The following RAPGEF1 variants were observed in gnomAD, a reference collection of about 807,000 sequenced individuals.
RAPGEF1 encodes Rap guanine nucleotide exchange factor 1.
In RAPGEF1, 33 loss-of-function variants were observed where a neutral mutation model predicts 143.3. The observed-to-expected ratio is 0.23, with a 90% CI of 0.17 to 0.31. RAPGEF1 has a LOEUF of 0.31. Ranked by LOEUF, RAPGEF1 falls within the 10% of genes least tolerant of loss-of-function variation. The pLI is 1.00. For synonymous variants in RAPGEF1, 629 were observed against 676.5 expected, an observed-to-expected ratio of 0.93 and a Z score of 1.09; for missense variants, 1,199 against 1,645.4, an observed-to-expected ratio of 0.73 and a Z score of 4.69.
intron 22 of RAPGEF1, among the ~76,000 whole-genome samples, chr9:131,585,420 A>T (rs1162882774): frequency 6.6e-6 from 1 of 151,552 alleles, no homozygotes; most frequent in Non-Finnish European, 1.5e-5. Flanking sequence ...CGCTCAAGTG[A>T]CCCTCCTGCC....
intron 1 of RAPGEF1, among the ~76,000 whole-genome samples, chr9:131,654,566 G>C (rs1971964347): frequency 6.6e-6 from 1 of 152,156 alleles, no homozygotes; most frequent in South Asian, 2.1e-4. Context: ...GCTGGGCATG[G>C]TGGTGCAGAC....
intron 1 of RAPGEF1, among the ~76,000 whole-genome samples, chr9:131,701,648 G>C (rs1834657786): frequency 6.6e-6 from 1 of 152,072 alleles, no homozygotes; most frequent in African/African-American, 2.4e-5. Context: ...TGAATATTCT[G>C]TAACATGTAA....
intron 15 of RAPGEF1, chr9:131,598,572 T>C (rs1237596190): frequency 5.1e-6 from 3 of 591,456 alleles, no homozygotes; most frequent in Non-Finnish European, 9.5e-6. Context: ...TCCATTAAGC[T>C]GTTTGAGTGA....
At chr9:131,710,831 G>A (rs1051044258) in intron 1 of RAPGEF1, among the ~76,000 whole-genome samples, 3 of 151,820 alleles carry the variant, frequency 2.0e-5, no homozygotes, top group Non-Finnish European at 4.4e-5. Flanking sequence ...GGAGGCTGCA[G>A]TAAGCCGAGA....
intron 25 of RAPGEF1, among the ~76,000 whole-genome samples, chr9:131,581,913 G>A (rs187261522): frequency 1.8e-4 from 28 of 152,262 alleles, no homozygotes; most frequent in Middle Eastern, 3.4e-3. Flanking sequence ...TTGAGGCCTC[G>A]AGGGCAGCCC....
intron 1 of RAPGEF1, among the ~76,000 whole-genome samples, chr9:131,708,575 T>C (rs905202805): frequency 2.0e-5 from 3 of 152,190 alleles, no homozygotes; most frequent in Admixed American, 6.5e-5. Context: ...CCAGGATGGA[T>C]AAATGAAAGA....
intron 5 of RAPGEF1, among the ~76,000 whole-genome samples, chr9:131,635,528 T>G (rs1410322745): frequency 6.6e-6 from 1 of 152,136 alleles, no homozygotes; most frequent in Non-Finnish European, 1.5e-5. Flanking sequence ...GACAACATCC[T>G]CATGAGTGCA....
At chr9:131,669,684 G>A (rs575710587) in intron 1 of RAPGEF1, among the ~76,000 whole-genome samples, 2 of 152,146 alleles carry the variant, frequency 1.3e-5, no homozygotes, top group Admixed American at 6.5e-5. Context: ...TGGGATAGAA[G>A]AGCCCACCCT....
At chr9:131,585,264 T>C (rs1378782471) in intron 22 of RAPGEF1, among the ~76,000 whole-genome samples, 4 of 152,148 alleles carry the variant, frequency 2.6e-5, no homozygotes, top group Non-Finnish European at 5.9e-5. Context: ...CACTGTAGTC[T>C]TGAACTCCTG....
chr9:131,711,505 C>G (rs1209728443), intron 1 of RAPGEF1, among the ~76,000 whole-genome samples: 4 of 151,864 alleles, frequency 2.6e-5, no homozygotes, highest in African/African-American at 9.7e-5. Context: ...TACAGGTGTG[C>G]GCCACCACAC....
At chr9:131,711,610 G>A (rs960463045) in intron 1 of RAPGEF1, among the ~76,000 whole-genome samples, 2 of 151,906 alleles carry the variant, frequency 1.3e-5, no homozygotes, top group Non-Finnish European at 2.9e-5. Context: ...CGCCCGCCTC[G>A]GCCTCCCAAA....
intron 1 of RAPGEF1, among the ~76,000 whole-genome samples, chr9:131,718,687 T>A (rs1589096173): frequency 6.6e-6 from 1 of 152,084 alleles, no homozygotes; most frequent in Non-Finnish European, 1.5e-5. Flanking sequence ...ATGGCATTAT[T>A]TACTGTGATA....
rs1366549403 is a variant in RAPGEF1, at chr9:131,621,785, G to A, written c.1905+11C>T. ...TCGGAAGTTCTAGTCACAAGGGAAG[G>A]TGTCACTCACCAGCTGCCGCTGCTT... On this transcript the variant is annotated intron_variant, in intron 11 of 26. Transcript: ENST00000683357. This position sits in a 1 kb window ranked among gnomAD's most constrained non-coding sequence, Gnocchi z 4.5. 1.3e-6 allele frequency: 2 copies of A among 1,595,092 alleles called. No homozygotes were observed. The highest frequency in any genetic ancestry group is 1.1e-5 in the South Asian group (1 of 88,518).
intron 1 of RAPGEF1, among the ~76,000 whole-genome samples, chr9:131,660,075 C>G (rs1973612341): frequency 6.6e-6 from 1 of 152,182 alleles, no homozygotes. Context: ...GCCTCGGCCT[C>G]GCAAAGTGCT....
chr9:131,699,833 G>C (rs1834495040), intron 1 of RAPGEF1, among the ~76,000 whole-genome samples: 1 of 152,096 alleles, frequency 6.6e-6, no homozygotes, highest in African/African-American at 2.4e-5. Flanking sequence ...GCTCTTCTCT[G>C]ACTTACTTGC....
rs570951565 is a variant in RAPGEF1, at chr9:131,628,142, G to A, written c.1018-46C>T. On this transcript the variant is annotated intron_variant, in intron 8 of 26. Transcript: ENST00000683357. The surrounding 1 kb of genome is among the most constrained non-coding windows in gnomAD (Gnocchi z 5.7). ...CAAAGCCAAATCACTTCTGAGAAAC[G>A]GTGGCACAGACCAGGGGTGAGGCAA... 1.5e-4 allele frequency: 213 copies of A among 1,467,994 alleles called. 1 individual carries two copies. The Middle Eastern group carries it at 1.9e-3, about 13-fold the overall frequency. The allele number at this position is 1,467,994 out of a possible 1,614,324, so 90.9% of individuals were successfully genotyped here.
chr9:131,656,926 C>T (rs1205473674), intron 1 of RAPGEF1, among the ~76,000 whole-genome samples: 1 of 152,234 alleles, frequency 6.6e-6, no homozygotes, highest in Non-Finnish European at 1.5e-5. Flanking sequence ...GGGTATCCAC[C>T]TCAGCACAGC....
chr9:131,657,922 G>C (rs1047362051), intron 1 of RAPGEF1, among the ~76,000 whole-genome samples: 1 of 152,140 alleles, frequency 6.6e-6, no homozygotes, highest in African/African-American at 2.4e-5. Flanking sequence ...AGATTCTCAC[G>C]CTCTTGTTTT....
At chr9:131,698,107 A>G (rs1834329322) in intron 1 of RAPGEF1, among the ~76,000 whole-genome samples, 1 of 152,212 alleles carries the variant, frequency 6.6e-6, no homozygotes, top group African/African-American at 2.4e-5. Context: ...CTGTGACCTC[A>G]AAGGGATTCT....
Sources: gnomAD v4.1 joint callset for allele counts (sites outside exome capture counted in the v4.1 genomes callset) on GRCh38, gnomAD v4.1.1 for gene constraint, Gnocchi (gnomAD v3.1) non-coding constraint, MANE v1.5 for transcripts, NCBI Gene and HGNC (gene_info 2026-07-23, HGNC 2026-07-21) for gene names.